The following PGM3 variants were observed in gnomAD, a reference collection of about 807,000 sequenced individuals.
The protein encoded by PGM3 is phosphoacetylglucosamine mutase.
PGM3 carries 40 observed loss-of-function variants against 66.2 expected under a neutral mutation model. The ratio of observed to expected loss-of-function variants is 0.60; its 90% CI spans 0.47 to 0.79. The LOEUF is 0.79. PGM3 is among the 30% of genes least tolerant of loss of function. The probability of loss-of-function intolerance (pLI) is 0.00; values close to 1 mark genes in which losing one functional copy is unlikely to be tolerated. For synonymous variants in PGM3, 191 were observed against 224.2 expected (o/e 0.85, Z 1.32); for missense variants, 537 against 643.4 (o/e 0.83, Z 1.79).
chr6:83,164,783 C>A, downstream of PGM3: 1 of 1,378,222 alleles, frequency 7.3e-7, no homozygotes. Flanking sequence ...GAGACACAAA[C>A]CCAGGTCTGA....
chr6:83,181,587 C>A, intron 6 of PGM3, 149 bp downstream of exon 6: 1 of 581,610 alleles, frequency 1.7e-6, no homozygotes, highest in Non-Finnish European at 3.0e-6. Flanking sequence ...TTCAATGGCT[C>A]TGAGAGTGGG....
At chr6:83,170,556 GA>G in intron 11 of PGM3, 78 bp from the exon 12 acceptor site, 1 of 1,082,228 alleles carries the variant, frequency 9.2e-7, no homozygotes, top group South Asian at 1.6e-5. Context: ...TACATTCTAC[GA>G]AAAGTGCCAG....
At chr6:83,157,473 A>G (rs1429224046), downstream of PGM3, among the ~76,000 whole-genome samples, 1 of 152,214 alleles carries the variant, frequency 6.6e-6, no homozygotes, top group African/African-American at 2.4e-5. Flanking sequence ...TAGTAAAACA[A>G]GTCAGATTCC....
Position 83,168,584 on chromosome 6 carries a change from G to A in PGM3, c.*650C>T, listed in dbSNP as rs974363903. 6.3e-5 allele frequency: 63 copies of A among 997,418 alleles called. No individual in the cohort carries two copies. The Middle Eastern group carries it at 1.6e-3, about 25-fold the overall frequency. 61.8% of individuals were successfully genotyped at this position (997,418 alleles called of 1,614,324 possible). ...CCTTCTCCATCAGAGGCTGGGAAAC[G>A]TATTATAATTAGTTTTTCTCCCACA... On this transcript the variant is annotated 3_prime_UTR_variant, in exon 13 of 13. Coordinates refer to ENST00000513973, the MANE Select transcript of PGM3 (RefSeq NM_015599.3).
chr6:83,189,111 T>C (rs952819753), intron 2 of PGM3, among the ~76,000 whole-genome samples: 1 of 152,174 alleles, frequency 6.6e-6, no homozygotes, highest in Admixed American at 6.5e-5. Context: ...AGTACTGATA[T>C]TAAAACAGCA....
At chr6:83,164,661 A>T, downstream of PGM3, 3 of 1,574,432 alleles carry the variant, frequency 1.9e-6, no homozygotes, top group Non-Finnish European at 2.6e-6. Flanking sequence ...CTTCCACAGG[A>T]CAAGGAGGAG....
At position 83,165,961 on chromosome 6, in the gene PGM3, G is replaced by T; in HGVS notation, c.*3273C>A. 2 of 338,974 alleles carry T rather than the reference G, an allele frequency of 5.9e-6. No homozygotes were observed. The highest frequency in any genetic ancestry group is 5.6e-5 in the South Asian group (2 of 35,482). The allele number at this position is 338,974 out of a possible 1,614,324, so 21.0% of individuals were successfully genotyped here. A position where few individuals can be genotyped will look rare whatever the true frequency, so the allele number is the denominator to read the frequency against. On this transcript the variant is annotated 3_prime_UTR_variant, in exon 13 of 13. Transcript: ENST00000513973. ...CAGCAAACCACCAAACAATGACCAT[G>T]ACCATTTTTTGGAGCAAGTTTGGCT...
chr6:83,182,980 T>C lies in PGM3; in HGVS notation c.458-2A>G. On this transcript the variant is annotated splice_acceptor_variant, in intron 4 of 12. Coordinates refer to ENST00000513973, the MANE Select transcript of PGM3 (RefSeq NM_015599.3). LOFTEE classifies it high-confidence loss of function. ...GGGGTGTTGTTAACAAGCCATAATC[T>C]GTCATAGAAATACAAAAAGCAATTC... 1 of 1,610,670 alleles carries C rather than the reference T, an allele frequency of 6.2e-7. No individual in the cohort carries two copies. Among genetic ancestry groups the C allele is most frequent in the Non-Finnish European group, 8.5e-7 (1 of 1,178,784 alleles).
chr6:83,180,084 A>G, intron 6 of PGM3, 117 bp from the exon 7 acceptor site: 1 of 717,762 alleles, frequency 1.4e-6, no homozygotes, highest in Non-Finnish European at 2.2e-6. Flanking sequence ...TAAATAGTGT[A>G]TAATCTTTAA....
intron 3 of PGM3, among the ~76,000 whole-genome samples, chr6:83,187,912 G>A (rs191624493): frequency 2.6e-5 from 4 of 152,250 alleles, no homozygotes; most frequent in Admixed American, 2.0e-4. Flanking sequence ...TACTGTGGTG[G>A]GATAATTTAC....
In PGM3 at chr6:83,170,409, C is replaced by G. The variant is rs1243066217; in HGVS notation, c.1435G>C (p.Glu479Gln). ...RQAVTPPGLQ[E>Q]AINDLVKKYK... ...TTCTTCACCAGGTCATTGATTGCCT[C>G]CTGTAATCCTGGGGGTGTAACTGCT... The change falls in exon 12 of 13, where the codon GAG (glutamate) becomes CAG (glutamine). Residue 479 changes from glutamate (E) to glutamine (Q), a missense_variant. Transcript: ENST00000513973. 2 of 1,613,906 alleles carry G rather than the reference C, an allele frequency of 1.2e-6. No homozygotes were observed. The highest frequency in any genetic ancestry group is 3.3e-5 in the Admixed American group (2 of 59,992).
chr6:83,150,424 A>AAG, the PGM3 span, among the ~76,000 whole-genome samples: 1 of 151,984 alleles, frequency 6.6e-6, no homozygotes, highest in Non-Finnish European at 1.5e-5. Flanking sequence ...TTTCAGAATG[A>AAG]AGGATCCTCT....
upstream of PGM3, chr6:83,193,309 G>A (rs935168512): frequency 1.3e-5 from 2 of 151,936 alleles, no homozygotes; most frequent in African/African-American, 4.8e-5. Flanking sequence ...CACGCCCCCT[G>A]GCCAATCACG....
Position 83,167,907 on chromosome 6 carries a change from C to T in PGM3, c.*1327G>A, listed in dbSNP as rs771345848. ...CTCAGGGAGAACATTGGGTTGGGAG[C>T]CAGGGCACTTGCTGCTCACCATCTG... is the stretch of plus-strand genomic sequence containing the variant. On this transcript the variant is annotated 3_prime_UTR_variant, in exon 13 of 13. Transcript: ENST00000513973. 6.2e-7 allele frequency: 1 copy of T among 1,613,502 alleles called. No homozygotes were observed. The highest frequency in any genetic ancestry group is 2.2e-5 in the East Asian group (1 of 44,872).
downstream of PGM3, chr6:83,157,166 T>G: frequency 6.2e-7 from 1 of 1,605,292 alleles, no homozygotes; most frequent in African/African-American, 1.3e-5. Context: ...TTGAAAATGC[T>G]CTGCATTTCT....
chr6:83,189,496 C>T (rs1176737301), intron 2 of PGM3, among the ~76,000 whole-genome samples: 1 of 152,180 alleles, frequency 6.6e-6, no homozygotes, highest in Non-Finnish European at 1.5e-5. Context: ...CATATTTAGA[C>T]ATATACACAT....
At position 83,168,215 on chromosome 6, in the gene PGM3, A is replaced by G. The variant is rs1786328608; in HGVS notation, c.*1019T>C. 1 of 1,563,092 alleles carries G rather than the reference A, an allele frequency of 6.4e-7. No homozygotes were observed. Among genetic ancestry groups the G allele is most frequent in the Non-Finnish European group, 8.6e-7 (1 of 1,159,896 alleles). On this transcript the variant is annotated 3_prime_UTR_variant, in exon 13 of 13. Coordinates refer to ENST00000513973, the MANE Select transcript of PGM3 (RefSeq NM_015599.3). ...GCTTACATGTAAATGTAATTATTTA[A>G]AACACACACACTGCTCTGCGTTGTA...
the PGM3 span, chr6:83,148,904 A>G: frequency 4.0e-6 from 5 of 1,237,520 alleles, no homozygotes; most frequent in Non-Finnish European, 5.5e-6. Flanking sequence ...TAAAAGGATA[A>G]TGTTAATTGT....
At chr6:83,181,588 TGA>T in intron 6 of PGM3, 146 bp downstream of exon 6, 4 of 584,054 alleles carry the variant, frequency 6.8e-6, no homozygotes, top group Non-Finnish European at 1.2e-5. Flanking sequence ...TCAATGGCTC[TGA>T]GAGTGGGAAG....
Sources: allele counts gnomAD v4.1 joint callset (sites outside exome capture counted in the v4.1 genomes callset), GRCh38; gene constraint gnomAD v4.1.1; transcripts MANE v1.5; gene names NCBI Gene and HGNC (gene_info 2026-07-23, HGNC 2026-07-21).